HIVEP1: variants seen among roughly 807,000 people sequenced by gnomAD.
The protein encoded by HIVEP1 is HIVEP zinc finger 1.
In HIVEP1, 36 loss-of-function variants were observed where a neutral mutation model predicts 180.0. That is an observed-to-expected ratio of 0.20 (90% confidence interval 0.15 to 0.26). The LOEUF is 0.26. HIVEP1 is among the 10% of genes least tolerant of loss of function. HIVEP1 has a pLI of 1.00. For missense variants in HIVEP1, 3,143 were observed against 3,268.7 expected, an observed-to-expected ratio of 0.96 and a Z score of 0.94; for synonymous variants, 1,239 against 1,239.0, an observed-to-expected ratio of 1.00 and a Z score of 0.00.
intron 3 of HIVEP1, among the ~76,000 whole-genome samples, chr6:12,099,497 T>C (rs1015092437): frequency 6.6e-6 from 1 of 152,078 alleles, no homozygotes; most frequent in Non-Finnish European, 1.5e-5. Flanking sequence ...GGAGTGTGTT[T>C]ATTTCAGCAG....
rs1033283984 is a variant in HIVEP1 at position 12,055,758 on chromosome 6, T to C, written c.41-33426T>C. On this transcript the variant is annotated intron_variant, in intron 2 of 8. Coordinates refer to ENST00000379388, the MANE Select transcript of HIVEP1 (RefSeq NM_002114.4). The stretch of plus-strand genomic sequence containing the variant: ...CCTGGATTGGAATCATGAGATTTCA[T>C]CACTATGATTAAAAGAGCCTTTCCC... Among the ~76,000 whole-genome samples, 16 of 152,336 alleles carry C rather than the reference T, an allele frequency of 1.1e-4. No individual in the cohort carries two copies. In the East Asian group the frequency reaches 3.1e-3, roughly 29 times the overall value.
intron 2 of HIVEP1, chr6:12,038,971 A>G (rs1313801038): frequency 1.3e-5 from 2 of 152,192 alleles, no homozygotes; most frequent in Non-Finnish European, 2.9e-5. Context: ...ACTTTATATA[A>G]TATACCTGGC....
At chr6:12,060,323 A>C (rs1035056309) in intron 2 of HIVEP1, among the ~76,000 whole-genome samples, 1 of 152,234 alleles carries the variant, frequency 6.6e-6, no homozygotes, top group Non-Finnish European at 1.5e-5. Flanking sequence ...GCTTCTTTAA[A>C]TATATATCTG....
At chr6:12,181,837 G>A in the HIVEP1 span, among the ~76,000 whole-genome samples, 1 of 152,128 alleles carries the variant, frequency 6.6e-6, no homozygotes, top group Non-Finnish European at 1.5e-5. Context: ...AAACATGGAT[G>A]CTAACATCTA....
At position 12,125,617 on chromosome 6, in the gene HIVEP1, A is replaced by G. The variant is rs762550778; in HGVS notation, c.5822A>G (p.Asn1941Ser). 4 of 1,614,152 alleles carry G rather than the reference A, an allele frequency of 2.5e-6. No homozygotes were observed. The highest frequency in any genetic ancestry group is 3.4e-6 in the Non-Finnish European group (4 of 1,180,020). Residue 1941 changes from asparagine (N) to serine (S), a missense_variant, in exon 4 of 9, where the codon AAC (asparagine) becomes AGC (serine). Around this residue, in one of 12 missense-constraint regions of HIVEP1, gnomAD observed 1,357 missense variants for 1,260.5 expected, o/e 1.08. Coordinates refer to ENST00000379388, the MANE Select transcript of HIVEP1 (RefSeq NM_002114.4). ...TTCCCTAGCCTGAAAACTACAACCAACTTTACATGGTGTTATCTCTTAAGG... is the reference window on the plus strand; with the variant it reads ...TTCCCTAGCCTGAAAACTACAACCAGCTTTACATGGTGTTATCTCTTAAGG... ...LAFPSLKTTT[N>S]FTWCYLLRQK...
chr6:12,168,511 A>G (rs999504414), downstream of HIVEP1, among the ~76,000 whole-genome samples: 7 of 151,296 alleles, frequency 4.6e-5, no homozygotes, highest in African/African-American at 1.7e-4. Context: ...TACAAATTAT[A>G]TACAGACTGT....
At chr6:12,070,959 A>T (rs1256548057) in intron 2 of HIVEP1, among the ~76,000 whole-genome samples, 1 of 152,240 alleles carries the variant, frequency 6.6e-6, no homozygotes, top group Non-Finnish European at 1.5e-5. Flanking sequence ...ACCAAACATG[A>T]TAAAACACAA....
chr6:12,180,467 CT>C, the HIVEP1 span, among the ~76,000 whole-genome samples: 14 of 152,084 alleles, frequency 9.2e-5, no homozygotes, highest in African/African-American at 3.1e-4. Context: ...GAAAATGTAT[CT>C]GTTTATACTA....
chr6:12,160,585 A>C (rs1436609629), intron 7 of HIVEP1, among the ~76,000 whole-genome samples: 1 of 152,216 alleles, frequency 6.6e-6, no homozygotes, highest in African/African-American at 2.4e-5. Flanking sequence ...CCTTTGTTAC[A>C]GGCAGATTTT....
chr6:12,043,938 T>C (rs189240726), intron 2 of HIVEP1, among the ~76,000 whole-genome samples: 1 of 152,134 alleles, frequency 6.6e-6, no homozygotes, highest in Non-Finnish European at 1.5e-5. Flanking sequence ...TGCTTCAGAG[T>C]AATCTGAGGG....
intron 2 of HIVEP1, among the ~76,000 whole-genome samples, chr6:12,020,874 ATTTCTTTC>A (rs1200791042): frequency 8.0e-6 from 1 of 125,542 alleles, no homozygotes; most frequent in African/African-American, 2.8e-5. Flanking sequence ...TGAGAACCAG[ATTTCTTTC>A]TTTCTTTCTT....
At chr6:12,016,547 A>G (rs964704642) in intron 2 of HIVEP1, among the ~76,000 whole-genome samples, 2 of 151,816 alleles carry the variant, frequency 1.3e-5, no homozygotes, top group Admixed American at 6.6e-5. Context: ...GGTAAAATCA[A>G]TTTGGCTAGT....
At chr6:12,053,412 G>A (rs1770661486) in intron 2 of HIVEP1, among the ~76,000 whole-genome samples, 1 of 152,066 alleles carries the variant, frequency 6.6e-6, no homozygotes, top group Non-Finnish European at 1.5e-5. Flanking sequence ...AAGAGAAGCA[G>A]TATAGAAATG....
the HIVEP1 span, among the ~76,000 whole-genome samples, chr6:12,184,101 A>C: frequency 6.6e-6 from 1 of 152,152 alleles, no homozygotes; most frequent in East Asian, 1.9e-4. Context: ...TCAGAACGTA[A>C]AAGAGAACTA....
At chr6:12,016,719 T>A (rs544615300) in intron 2 of HIVEP1, among the ~76,000 whole-genome samples, 2 of 152,320 alleles carry the variant, frequency 1.3e-5, no homozygotes, top group East Asian at 3.9e-4. Flanking sequence ...AGGTGGAGAT[T>A]TACATGAGAA....
the HIVEP1 span, among the ~76,000 whole-genome samples, chr6:12,195,721 C>T: frequency 2.6e-5 from 4 of 152,094 alleles, no homozygotes; most frequent in Non-Finnish European, 5.9e-5. Context: ...AACCTGTGTA[C>T]GATAATCATG....
At chr6:12,011,740 C>G (rs1448015133), upstream of HIVEP1, among the ~76,000 whole-genome samples, 1 of 148,548 alleles carries the variant, frequency 6.7e-6, no homozygotes, top group Admixed American at 6.7e-5. Context: ...GGGTTCGTGC[C>G]GGGCCGGGCG....
the HIVEP1 span, among the ~76,000 whole-genome samples, chr6:12,186,561 A>AG: frequency 9.4e-4 from 140 of 149,696 alleles, 1 homozygote; most frequent in South Asian, 7.6e-3. Context: ...AAAAAAAAAA[A>AG]GGCGTATACT....
At position 12,018,047 on chromosome 6, in the gene HIVEP1, G is replaced by C. The variant is rs1341725696; in HGVS notation, c.40+2379G>C. Among the ~76,000 whole-genome samples the C allele has an allele frequency of 3.9e-5, 6 of 152,234 alleles. 1 individual carries two copies. The East Asian group carries it at 1.2e-3, about 29-fold the overall frequency. On this transcript the variant is annotated intron_variant, in intron 2 of 8. Transcript: ENST00000379388. ...GGGTGCTTAGGCATGGCGGGCTGCAGGTCCTGAGCCCTGCCCCACGGGGAA... is the reference window on the plus strand; with the variant it reads ...GGGTGCTTAGGCATGGCGGGCTGCACGTCCTGAGCCCTGCCCCACGGGGAA...
Sources: allele counts gnomAD v4.1 joint callset (sites outside exome capture counted in the v4.1 genomes callset), GRCh38; gene constraint gnomAD v4.1.1; regional missense constraint gnomAD v4.1.1; transcripts MANE v1.5; gene names NCBI Gene and HGNC (gene_info 2026-07-23, HGNC 2026-07-21).